Variants in CCDC102B observed in about 807,000 individuals in gnomAD.
The protein encoded by CCDC102B is coiled-coil domain containing 102B.
CCDC102B carries 75 observed loss-of-function variants against 57.4 expected under a neutral mutation model. The observed-to-expected ratio is 1.31, with a 90% confidence interval of 1.08 to 1.58. The LOEUF is 1.58. Ranked by LOEUF, CCDC102B falls within the 40% of genes most tolerant of loss-of-function variation. CCDC102B has a pLI of 0.00. For missense variants in CCDC102B, 636 were observed against 582.6 expected, an observed-to-expected ratio of 1.09 and a Z score of -0.94; for synonymous variants, 206 against 201.9, an observed-to-expected ratio of 1.02 and a Z score of -0.17.
At chr18:68,760,486 T>A (rs2034217411) in intron 2 of CCDC102B, among the ~76,000 whole-genome samples, 1 of 152,098 alleles carries the variant, frequency 6.6e-6, no homozygotes, top group African/African-American at 2.4e-5. Flanking sequence ...AGTTATTAAA[T>A]AAACACTTTT....
intron 2 of CCDC102B, among the ~76,000 whole-genome samples, chr18:68,744,132 T>C (rs1412668343): frequency 1.3e-5 from 2 of 152,246 alleles, no homozygotes; most frequent in Non-Finnish European, 1.5e-5. Context: ...CAATTTATTA[T>C]TTTAATATCT....
At chr18:69,007,568 G>A (rs943923006) in intron 6 of CCDC102B, among the ~76,000 whole-genome samples, 5 of 152,104 alleles carry the variant, frequency 3.3e-5, no homozygotes, top group Admixed American at 1.3e-4. Context: ...CAAACTTTAT[G>A]GTGAATCAGA....
At chr18:69,019,098 TTATGCTG>T (rs1368749836) in intron 7 of CCDC102B, among the ~76,000 whole-genome samples, 2 of 152,122 alleles carry the variant, frequency 1.3e-5, no homozygotes, top group Non-Finnish European at 2.9e-5. Context: ...GTGTTTGTTT[TTATGCTG>T]ATGCCATATT....
rs141227427 is a variant in CCDC102B at position 68,970,432 on chromosome 18, T to C, written c.1264-40502T>C. ...AAACAACTGATTTTTCTGTTTCACA[T>C]CTAACTTGGAGATGTAATATGCTTA... On this transcript the variant is annotated intron_variant, in intron 6 of 7. Transcript: ENST00000360242. Among the ~76,000 whole-genome samples the C allele has an allele frequency of 5.6e-3, 846 of 152,166 alleles. 15 individuals carry two copies. The highest frequency in any genetic ancestry group is 0.019 in the African/African-American group (798 of 41,562).
At chr18:69,029,757 T>A (rs2052088804) in intron 7 of CCDC102B, among the ~76,000 whole-genome samples, 2 of 152,194 alleles carry the variant, frequency 1.3e-5, no homozygotes, top group Admixed American at 1.3e-4. Context: ...TTAAAGTTGG[T>A]TCCAGGAACA....
chr18:68,824,590 A>G (rs796831384), intron 1 of CCDC102B, among the ~76,000 whole-genome samples: 10 of 152,304 alleles, frequency 6.6e-5, no homozygotes, highest in African/African-American at 2.4e-4. Flanking sequence ...TCCAGTTCTC[A>G]AGGGGAATGG....
At chr18:69,016,700 A>T (rs2051678230) in intron 7 of CCDC102B, among the ~76,000 whole-genome samples, 1 of 152,196 alleles carries the variant, frequency 6.6e-6, no homozygotes, top group Non-Finnish European at 1.5e-5. Flanking sequence ...GCAATGTAAT[A>T]TGTATTTCCT....
At chr18:68,872,034 G>A (rs2039259372) in intron 4 of CCDC102B, among the ~76,000 whole-genome samples, 1 of 151,660 alleles carries the variant, frequency 6.6e-6, no homozygotes, top group South Asian at 2.1e-4. Flanking sequence ...AGCTGATTGA[G>A]TTAGCTTTAG....
chr18:68,811,832 T>C (rs1398071504), intron 1 of CCDC102B, among the ~76,000 whole-genome samples: 1 of 151,826 alleles, frequency 6.6e-6, no homozygotes, highest in Non-Finnish European at 1.5e-5. Flanking sequence ...CTCTCAGAGG[T>C]AGGGAGAAAA....
chr18:68,744,891 A>G (rs1418766236), intron 2 of CCDC102B, among the ~76,000 whole-genome samples: 8 of 152,328 alleles, frequency 5.3e-5, no homozygotes, highest in Non-Finnish European at 2.9e-5. Context: ...AAGGGGTAGT[A>G]GTTAGCACTG....
At chr18:68,894,675 ACTT>A in intron 5 of CCDC102B, among the ~76,000 whole-genome samples, 1 of 151,980 alleles carries the variant, frequency 6.6e-6, no homozygotes, top group South Asian at 2.1e-4. Flanking sequence ...AAAAACTAAA[ACTT>A]CTTATAATTT....
chr18:68,930,029 AT>A (rs1219439665), intron 6 of CCDC102B, among the ~76,000 whole-genome samples: 1 of 151,390 alleles, frequency 6.6e-6, no homozygotes, highest in East Asian at 1.9e-4. Context: ...TGTGTTTTTT[AT>A]TTCATTTTCC....
At chr18:68,950,482 C>A (rs1306949205) in intron 6 of CCDC102B, among the ~76,000 whole-genome samples, 2 of 152,054 alleles carry the variant, frequency 1.3e-5, no homozygotes, top group East Asian at 1.9e-4. Context: ...ATTATGTAGA[C>A]CCAATTAAAT....
At chr18:68,735,027 C>T (rs2033063333) in intron 2 of CCDC102B, among the ~76,000 whole-genome samples, 1 of 152,094 alleles carries the variant, frequency 6.6e-6, no homozygotes. Context: ...TGCTGAAATA[C>T]CTTTTTATTA....
chr18:68,979,084 G>A (rs888466742), intron 6 of CCDC102B, among the ~76,000 whole-genome samples: 12 of 152,024 alleles, frequency 7.9e-5, no homozygotes, highest in African/African-American at 2.7e-4. Context: ...CTGCAGTATC[G>A]TCTGTGCTGG....
At chr18:68,914,127 C>G (rs1373643223) in intron 6 of CCDC102B, among the ~76,000 whole-genome samples, 1 of 152,182 alleles carries the variant, frequency 6.6e-6, no homozygotes, top group African/African-American at 2.4e-5. Flanking sequence ...TTTTAGCTTA[C>G]AGTATGTCCT....
intron 2 of CCDC102B, among the ~76,000 whole-genome samples, chr18:68,726,974 GT>G (rs1306188195): frequency 6.6e-6 from 1 of 152,126 alleles, no homozygotes; most frequent in Non-Finnish European, 1.5e-5. Context: ...GGAAGAAAAG[GT>G]TCTTGCTCCT....
intron 1 of CCDC102B, among the ~76,000 whole-genome samples, chr18:68,831,156 A>G (rs2037126153): frequency 6.6e-6 from 1 of 152,120 alleles, no homozygotes; most frequent in Admixed American, 6.6e-5. Context: ...GTTTATTTTT[A>G]AAGAATTGGA....
chr18:68,987,719 CA>C (rs1409702980), intron 6 of CCDC102B, among the ~76,000 whole-genome samples: 1 of 151,726 alleles, frequency 6.6e-6, no homozygotes, highest in Non-Finnish European at 1.5e-5. Context: ...ATAATTCCAT[CA>C]AAAAGTGGGC....
Sources: gnomAD v4.1 joint callset for allele counts (sites outside exome capture counted in the v4.1 genomes callset) on GRCh38, gnomAD v4.1.1 for gene constraint, MANE v1.5 for transcripts, NCBI Gene and HGNC (gene_info 2026-07-23, HGNC 2026-07-21) for gene names.